Variants in SEZ6L observed in about 807,000 individuals in gnomAD.
SEZ6L encodes the protein seizure 6-like protein.
In SEZ6L, 37 loss-of-function variants were observed where a neutral mutation model predicts 106.2. That is an observed-to-expected ratio of 0.35 (90% confidence interval 0.27 to 0.46). SEZ6L has a LOEUF of 0.46. Among genes scored for constraint, SEZ6L ranks in the 20% least tolerant of loss-of-function variants. SEZ6L has a pLI of 1.00. For synonymous variants in SEZ6L, 541 were observed against 570.4 expected, an observed-to-expected ratio of 0.95 and a Z score of 0.73; for missense variants, 1,172 against 1,332.8, an observed-to-expected ratio of 0.88 and a Z score of 1.88.
intron 1 of SEZ6L, among the ~76,000 whole-genome samples, chr22:26,228,158 C>T (rs2078690408): frequency 6.6e-6 from 1 of 152,152 alleles, no homozygotes; most frequent in Non-Finnish European, 1.5e-5. Flanking sequence ...ATATGCTTGC[C>T]TGCCTGAACA....
chr22:26,289,886 A>T (rs2145876541), intron 1 of SEZ6L, among the ~76,000 whole-genome samples: 1 of 152,278 alleles, frequency 6.6e-6, no homozygotes, highest in Non-Finnish European at 1.5e-5. Context: ...TGTCCCCGTG[A>T]TGTAATTCCT....
intron 1 of SEZ6L, among the ~76,000 whole-genome samples, chr22:26,229,689 C>T (rs1156716025): frequency 6.6e-6 from 1 of 152,238 alleles, no homozygotes; most frequent in Non-Finnish European, 1.5e-5. Context: ...ATAGGACTCA[C>T]TCCAGATCCA....
In SEZ6L at chr22:26,383,291, T is replaced by C. The variant is rs1476431178; in HGVS notation, c.*2996T>C. 2.0e-5 allele frequency: 3 copies of C among 151,988 alleles called. No individual in the cohort carries two copies. The highest frequency in any genetic ancestry group is 2.1e-4 in the South Asian group (1 of 4,812). 9.4% of individuals were successfully genotyped at this position (151,988 alleles called of 1,614,324 possible). On this transcript the variant is annotated 3_prime_UTR_variant, in exon 17 of 17. Coordinates refer to ENST00000248933, the MANE Select transcript of SEZ6L (RefSeq NM_021115.5). ...ATAATCAGGAGGGTTGTATAACAAGTAGTGATTTGGCAAATATGTGGGTAG... is the reference window on the plus strand; with the variant it reads ...ATAATCAGGAGGGTTGTATAACAAGCAGTGATTTGGCAAATATGTGGGTAG...
intron 1 of SEZ6L, among the ~76,000 whole-genome samples, chr22:26,182,512 G>C (rs2123779815): frequency 6.6e-6 from 1 of 152,190 alleles, no homozygotes; most frequent in Non-Finnish European, 1.5e-5. Flanking sequence ...TTTTGATCAA[G>C]AGCTTAGCAC....
intron 1 of SEZ6L, among the ~76,000 whole-genome samples, chr22:26,286,267 T>G (rs1312282187): frequency 6.6e-6 from 1 of 152,216 alleles, no homozygotes; most frequent in Non-Finnish European, 1.5e-5. Context: ...ATCTGTGAAG[T>G]GCTTCTGTGA....
At chr22:26,372,604 T>G (rs2084076570) in intron 13 of SEZ6L, among the ~76,000 whole-genome samples, 1 of 152,152 alleles carries the variant, frequency 6.6e-6, no homozygotes, top group South Asian at 2.1e-4. Flanking sequence ...TCCTATCCCC[T>G]AATGCTGCAA....
chr22:26,368,231 G>T (rs2083886269), intron 13 of SEZ6L, among the ~76,000 whole-genome samples: 2 of 152,068 alleles, frequency 1.3e-5, no homozygotes, highest in Non-Finnish European at 2.9e-5. Context: ...TACTTTCCCA[G>T]TTAGTTTGTC....
intron 10 of SEZ6L, among the ~76,000 whole-genome samples, chr22:26,342,910 A>C (rs2082888049): frequency 6.6e-6 from 1 of 152,166 alleles, no homozygotes; most frequent in Non-Finnish European, 1.5e-5. Flanking sequence ...GCCAAAGTAC[A>C]TTCCTGGCAT....
intron 1 of SEZ6L, among the ~76,000 whole-genome samples, chr22:26,172,415 T>TTCCCC (rs1433379414): frequency 6.6e-6 from 1 of 152,244 alleles, no homozygotes; most frequent in East Asian, 1.9e-4. Flanking sequence ...ATTCCTTTCC[T>TTCCCC]TCCCCTTCCA....
At chr22:26,363,854 A>G (rs1401563526) in intron 12 of SEZ6L, among the ~76,000 whole-genome samples, 2 of 152,250 alleles carry the variant, frequency 1.3e-5, no homozygotes, top group African/African-American at 4.8e-5. Context: ...TTTTTGACAC[A>G]TCTTGCAACC....
intron 1 of SEZ6L, among the ~76,000 whole-genome samples, chr22:26,290,298 G>A (rs946246798): frequency 7.9e-5 from 12 of 152,166 alleles, no homozygotes; most frequent in Non-Finnish European, 1.0e-4. Context: ...TTGGGAGGCC[G>A]AGGCGGGTGG....
At chr22:26,314,436 T>C (rs1203192154) in intron 9 of SEZ6L, among the ~76,000 whole-genome samples, 1 of 152,188 alleles carries the variant, frequency 6.6e-6, no homozygotes, top group East Asian at 1.9e-4. Context: ...GGGGGCACTG[T>C]AACACCCATT....
At chr22:26,346,484 A>C (rs1476216377) in intron 10 of SEZ6L, among the ~76,000 whole-genome samples, 2 of 152,220 alleles carry the variant, frequency 1.3e-5, no homozygotes, top group African/African-American at 4.8e-5. Flanking sequence ...CATAGATTAT[A>C]CCCCAAATTA....
chr22:26,258,463 A>G (rs1392274638), intron 1 of SEZ6L, among the ~76,000 whole-genome samples: 1 of 152,202 alleles, frequency 6.6e-6, no homozygotes, highest in Non-Finnish European at 1.5e-5. Flanking sequence ...TGCAAAAGAG[A>G]GGGCAAAAGC....
rs2084392986 is a variant in SEZ6L at position 26,380,947 on chromosome 22, T to A, written c.*652T>A. 6.6e-6 allele frequency: 1 copy of A among 152,202 alleles called. No individual in the cohort carries two copies. The highest frequency in any genetic ancestry group is 6.5e-5 in the Admixed American group (1 of 15,280). The allele number at this position is 152,202 out of a possible 1,614,324, so 9.4% of individuals were successfully genotyped here. A position where few individuals can be genotyped will look rare whatever the true frequency, so the allele number is the denominator to read the frequency against. On this transcript the variant is annotated 3_prime_UTR_variant, in exon 17 of 17. Transcript: ENST00000248933. Reference sequence around the variant, plus strand: ...GTGACAAAACAAGAAAACGTTTTCTTTCTAGAAAGGTGATAAACGACCAAA... The same window carrying A: ...GTGACAAAACAAGAAAACGTTTTCTATCTAGAAAGGTGATAAACGACCAAA...
intron 12 of SEZ6L, among the ~76,000 whole-genome samples, chr22:26,353,990 G>C (rs989761806): frequency 6.8e-6 from 1 of 146,476 alleles, no homozygotes; most frequent in African/African-American, 2.6e-5. Context: ...CAGTGTCTTC[G>C]ACATCCTAAC....
chr22:26,293,855 A>G (rs569270484), intron 2 of SEZ6L, among the ~76,000 whole-genome samples: 150 of 152,320 alleles, frequency 9.8e-4, no homozygotes, highest in Non-Finnish European at 1.8e-3. Flanking sequence ...CTTCTCTACC[A>G]TCTTTAAAAT....
At chr22:26,291,976 AAAGGAAGGAAGG>A (rs56887152) in intron 1 of SEZ6L, among the ~76,000 whole-genome samples, 7,497 of 123,248 alleles carry the variant, frequency 0.061, 330 homozygotes, top group South Asian at 0.16. Context: ...GTCTTCAGGA[AAAGGAAGGAAGG>A]AAGGAAGGAA....
chr22:26,312,023 A>C, intron 8 of SEZ6L, 61 bp downstream of exon 8: 1 of 1,520,318 alleles, frequency 6.6e-7, no homozygotes, highest in Non-Finnish European at 9.0e-7. Context: ...TTTGGATGAG[A>C]AGACCAAGGC....
Sources: allele counts gnomAD v4.1 joint callset (sites outside exome capture counted in the v4.1 genomes callset), GRCh38; gene constraint gnomAD v4.1.1; transcripts MANE v1.5; gene names NCBI Gene and HGNC (gene_info 2026-07-23, HGNC 2026-07-21).